Variants in OR4M1 observed in about 807,000 individuals in gnomAD.
OR4M1 encodes the protein olfactory receptor 4M1.
In OR4M1, 7 loss-of-function variants were observed where a neutral mutation model predicts 9.8. That is an observed-to-expected ratio of 0.71 (90% confidence interval 0.41 to 1.34). The LOEUF (loss-of-function observed/expected upper bound fraction) is 1.34. OR4M1 is among the 40% of genes most tolerant of loss of function. OR4M1 has a pLI of 0.01. For synonymous variants in OR4M1, 121 were observed against 139.8 expected, an observed-to-expected ratio of 0.87 and a Z score of 0.95; for missense variants, 331 against 380.4, an observed-to-expected ratio of 0.87 and a Z score of 1.08.
In OR4M1 at chr14:19,780,444, G is replaced by A. The variant is rs760327097; in HGVS notation, c.122G>A (p.Gly41Glu). The A allele has an allele frequency of 6.2e-6, 10 of 1,614,096 alleles. No individual in the cohort carries two copies. The highest frequency in any genetic ancestry group is 5.5e-5 in the South Asian group (5 of 91,076). The change falls in exon 2 of 2, where the codon GGA becomes GAA. Residue 41 changes from glycine to glutamate, a missense_variant. Coordinates refer to ENST00000641200, the MANE Select transcript of OR4M1 (RefSeq NM_001005500.2). ...FLSFYLFILP[G>E]NILIICTIRL... ...TCCTTCTATTTGTTCATCCTACCAG[G>A]AAATATCCTTATCATTTGCACCATC... is the stretch of plus-strand genomic sequence containing the variant.
chr14:19,777,007 C>CATATATATATATATATAT (rs71431978), intron 1 of OR4M1, among the ~76,000 whole-genome samples: 4 of 45,918 alleles, frequency 8.7e-5, no homozygotes, highest in Non-Finnish European at 1.2e-4. Context: ...TTGTTTAAGC[C>CATATATATATATATATAT]ATATATATAT....
rs1878447702 is a variant in OR4M1, at chr14:19,780,552, C to G, written c.230C>G (p.Thr77Arg). 1.9e-6 allele frequency: 3 copies of G among 1,614,124 alleles called. No homozygotes were observed. Among genetic ancestry groups the G allele is most frequent in the South Asian group, 2.2e-5 (2 of 91,094 alleles). ...ALLDIWYSSI[T>R]APKMLIDFFV... ...CTTGATATTTGGTACTCTTCCATTACAGCCCCTAAAATGCTCATAGACTTC... is the reference window on the plus strand; with the variant it reads ...CTTGATATTTGGTACTCTTCCATTAGAGCCCCTAAAATGCTCATAGACTTC... The change falls in exon 2 of 2, where the codon ACA becomes AGA. Residue 77 changes from threonine to arginine, a missense_variant. Around this residue, in one of 2 missense-constraint regions of OR4M1, gnomAD observed 209 missense variants for 200.0 expected, o/e 1.04. Transcript: ENST00000641200.
intron 1 of OR4M1, among the ~76,000 whole-genome samples, chr14:19,776,649 A>G (rs1878317267): frequency 6.6e-6 from 1 of 152,180 alleles, no homozygotes; most frequent in South Asian, 2.1e-4. Flanking sequence ...CCCTAAGTCA[A>G]TCTTCATGAG....
chr14:19,773,991 C>T (rs1284472973), intron 1 of OR4M1, among the ~76,000 whole-genome samples: 2 of 152,230 alleles, frequency 1.3e-5, no homozygotes, highest in Non-Finnish European at 2.9e-5. Flanking sequence ...AATCCCTTTA[C>T]TCCTGAAAGA....
chr14:19,781,156 T>C lies in OR4M1; in HGVS notation c.834T>C (p.Thr278=). The change falls in exon 2 of 2, where the codon ACT becomes ACC. Residue 278 remains threonine, a synonymous_variant. Transcript: ENST00000641200. ...SLDKVVSVFH[T]VIFPLLNPII... ...ATAAAGTGGTGTCTGTGTTTCATAC[T>C]GTAATATTCCCTTTACTTAATCCCA... 1 of 1,614,250 alleles carries C rather than the reference T, an allele frequency of 6.2e-7. No individual in the cohort carries two copies. Among genetic ancestry groups the C allele is most frequent in the Non-Finnish European group, 8.5e-7 (1 of 1,180,042 alleles).
chr14:19,781,060 T>C lies in OR4M1; in HGVS notation c.738T>C (p.Ile246=), dbSNP rs573484857. 1 of 1,614,100 alleles carries C rather than the reference T, an allele frequency of 6.2e-7. No individual in the cohort carries two copies. Among genetic ancestry groups the C allele is most frequent in the Non-Finnish European group, 8.5e-7 (1 of 1,180,042 alleles). ...CCATGTCCACCTGCTATTCCCACAT[T>C]ACCATTGTGGTGCTAATGTTTGGGC... is the stretch of plus-strand genomic sequence containing the variant. ...NRAMSTCYSH[I]TIVVLMFGPS... The change falls in exon 2 of 2, where the codon ATT becomes ATC. Residue 246 remains isoleucine (I), a synonymous_variant. Transcript: ENST00000641200.
At position 19,780,908 on chromosome 14, in the gene OR4M1, G is replaced by A. The variant is rs1878470472; in HGVS notation, c.586G>A (p.Glu196Lys). The A allele has an allele frequency of 6.2e-7, 1 of 1,614,102 alleles. No homozygotes were observed. The highest frequency in any genetic ancestry group is 8.5e-7 in the Non-Finnish European group (1 of 1,180,054). ...TGCCTGTGCCAACACCTTCCCAGAG[G>A]AGTTAGTGATGATCTGTAGTAGTGG... ...RIACANTFPE[E>K]LVMICSSGLI... Residue 196 changes from glutamate (E) to lysine (K), a missense_variant, in exon 2 of 2, where the codon GAG becomes AAG. Physicochemically the swap from Glu to Lys is moderately conservative, Grantham distance 56. This residue lies in a region of OR4M1 where 122 missense variants were observed against 180.5 expected (regional missense o/e 0.68). Transcript: ENST00000641200.
At chr14:19,778,391 CATA>C (rs1016263650) in intron 1 of OR4M1, among the ~76,000 whole-genome samples, 2 of 152,152 alleles carry the variant, frequency 1.3e-5, no homozygotes, top group African/African-American at 4.8e-5. Context: ...ATCATGTCCC[CATA>C]ATAATAAAAA....
At chr14:19,778,721 A>T (rs1391176681) in intron 1 of OR4M1, among the ~76,000 whole-genome samples, 1 of 152,218 alleles carries the variant, frequency 6.6e-6, no homozygotes, top group African/African-American at 2.4e-5. Flanking sequence ...GTTATTAGTT[A>T]TGGGGGCTAT....
rs375321787 is a variant in OR4M1 at position 19,781,090 on chromosome 14, C to T, written c.768C>T (p.Ser256=). 6 of 1,614,174 alleles carry T rather than the reference C, an allele frequency of 3.7e-6. No homozygotes were observed. The highest frequency in any genetic ancestry group is 5.1e-6 in the Non-Finnish European group (6 of 1,180,036). The change falls in exon 2 of 2, where the codon TCC becomes TCT. Residue 256 remains serine (S), a synonymous_variant. Coordinates refer to ENST00000641200, the MANE Select transcript of OR4M1 (RefSeq NM_001005500.2). ...ITIVVLMFGP[S]IYIYARPFDS... ...TTGTGGTGCTAATGTTTGGGCCATC[C>T]ATCTACATTTATGCTCGCCCATTTG...
intron 1 of OR4M1, among the ~76,000 whole-genome samples, chr14:19,777,007 C>CACAT (rs1555326142): frequency 2.2e-5 from 1 of 45,928 alleles, no homozygotes; most frequent in African/African-American, 9.4e-5. Flanking sequence ...TTGTTTAAGC[C>CACAT]ATATATATAT....
At position 19,782,092 on chromosome 14, in the gene OR4M1, A is replaced by G. The variant is rs1366625801; in HGVS notation, c.*828A>G. On this transcript the variant is annotated 3_prime_UTR_variant, in exon 2 of 2. Coordinates refer to ENST00000641200, the MANE Select transcript of OR4M1 (RefSeq NM_001005500.2). ...TAGCCGTGTAGTTTTTTTCTAAACT[A>G]TCATCTCCTTTGCCACTTTTGTATG... 2.6e-5 allele frequency: 4 copies of G among 152,294 alleles called. No individual in the cohort carries two copies. The East Asian group carries it at 7.7e-4, about 29-fold the overall frequency. The allele number at this position is 152,294 out of a possible 1,614,324, so 9.4% of individuals were successfully genotyped here.
intron 1 of OR4M1, among the ~76,000 whole-genome samples, chr14:19,774,968 C>G (rs142690734): frequency 6.6e-6 from 1 of 152,242 alleles, no homozygotes; most frequent in Non-Finnish European, 1.5e-5. Context: ...AAGGGCACCC[C>G]AGAGTAACCT....
intron 1 of OR4M1, among the ~76,000 whole-genome samples, chr14:19,777,047 T>G (rs1442418928): frequency 8.0e-6 from 1 of 125,142 alleles, no homozygotes; most frequent in Non-Finnish European, 1.7e-5. Flanking sequence ...TATATATATA[T>G]ATTGTTTGTT....
At chr14:19,773,630 T>A (rs373048335) in intron 1 of OR4M1, 37 bp downstream of exon 1, 6 of 152,388 alleles carry the variant, frequency 3.9e-5, no homozygotes, top group African/African-American at 1.4e-4. Context: ...ACATAAACTA[T>A]CCTATTTTTG....
At chr14:19,776,529 A>T (rs1334309489) in intron 1 of OR4M1, among the ~76,000 whole-genome samples, 8 of 152,198 alleles carry the variant, frequency 5.3e-5, no homozygotes, top group Admixed American at 2.6e-4. Flanking sequence ...AGGTGGGTGG[A>T]TGTAAGACGA....
At chr14:19,779,650 A>G (rs1196668486) in intron 1 of OR4M1, among the ~76,000 whole-genome samples, 1 of 152,210 alleles carries the variant, frequency 6.6e-6, no homozygotes, top group East Asian at 1.9e-4. Flanking sequence ...AGTATCAGGT[A>G]TTGATGAATC....
In OR4M1 at chr14:19,781,497, TATAATA is replaced by T; in HGVS notation, c.*239_*244del. On this transcript the variant is annotated 3_prime_UTR_variant, in exon 2 of 2. Coordinates refer to ENST00000641200, the MANE Select transcript of OR4M1 (RefSeq NM_001005500.2). ...GGCAGATCATTATTAGAATTTGAGATATAATAATAATCTGCTAAAGTACATTTTAAC... is the reference window on the plus strand; with the variant it reads ...GGCAGATCATTATTAGAATTTGAGATATAATCTGCTAAAGTACATTTTAAC... 4 of 501,598 alleles carry T rather than the reference TATAATA, an allele frequency of 8.0e-6. No individual in the cohort carries two copies. Among genetic ancestry groups the T allele is most frequent in the Non-Finnish European group, 1.4e-5 (4 of 287,488 alleles). The allele number at this position is 501,598 out of a possible 1,614,324, so 31.1% of individuals were successfully genotyped here. A position where few individuals can be genotyped will look rare whatever the true frequency, so the allele number is the denominator to read the frequency against.
chr14:19,774,667 T>TAAATAGATGAAGGATTTAAAAATA (rs1319391511), intron 1 of OR4M1, among the ~76,000 whole-genome samples: 1 of 152,174 alleles, frequency 6.6e-6, no homozygotes, highest in Non-Finnish European at 1.5e-5. Flanking sequence ...AACAAGCTTC[T>TAAATAGATGAAGGATTTAAAAATA]GAGAATAGAT....
Sources: gnomAD v4.1 joint callset for allele counts (sites outside exome capture counted in the v4.1 genomes callset) on GRCh38, gnomAD v4.1.1 for gene constraint, gnomAD v4.1.1 regional missense constraint, MANE v1.5 for transcripts, NCBI Gene and HGNC (gene_info 2026-07-23, HGNC 2026-07-21) for gene names.